The following CASK variants were observed in gnomAD, a reference collection of about 807,000 sequenced individuals.
The protein encoded by CASK is peripheral plasma membrane protein CASK.
Under a neutral mutation model 82.9 loss-of-function variants are expected in CASK, and 4 were observed. The ratio of observed to expected loss-of-function variants is 0.05; its 90% confidence interval spans 0.02 to 0.11. The LOEUF (loss-of-function observed/expected upper bound fraction) is 0.11, where lower values mean the gene tolerates loss of function less well. CASK is among the 10% of genes least tolerant of loss of function. CASK has a pLI of 1.00. For synonymous variants in CASK, 259 were observed against 253.5 expected (o/e 1.02, Z -0.20); for missense variants, 358 against 720.9 (o/e 0.50, Z 5.76).
chrX:41,916,847 A>C (rs1316298971), intron 1 of CASK, among the ~76,000 whole-genome samples: 1 of 112,237 alleles, frequency 8.9e-6, no homozygotes, highest in African/African-American at 3.2e-5. Flanking sequence ...AGGGAAATGG[A>C]AGAAAAAATT....
intron 14 of CASK, among the ~76,000 whole-genome samples, chrX:41,583,446 A>AC (rs1555987607): frequency 6.5e-5 from 7 of 107,135 alleles, no homozygotes; most frequent in African/African-American, 2.4e-4. Flanking sequence ...TTCATTTTTT[A>AC]TTTTTTTTTT....
At chrX:41,851,765 T>TA (rs1000474188) in intron 2 of CASK, among the ~76,000 whole-genome samples, 1 of 111,914 alleles carries the variant, frequency 8.9e-6, no homozygotes, top group African/African-American at 3.2e-5. Context: ...GTAACTGACT[T>TA]AGACTTGTGA....
Position 41,520,307 on chromosome X carries a change from A to G in CASK, c.*113T>C, listed in dbSNP as rs2064618274. ...GACAATAATTATAAATGTAGGTCAC[A>G]CTACAACTAGGTAGTCTCTAGGGAC... On this transcript the variant is annotated 3_prime_UTR_variant, in exon 27 of 27. Transcript: ENST00000378163. 8 of 505,417 alleles carry G rather than the reference A, an allele frequency of 1.6e-5. No individual in the cohort carries two copies. Among genetic ancestry groups the G allele is most frequent in the Non-Finnish European group, 9.9e-6 (3 of 302,550 alleles). The allele number at this position is 505,417 out of a possible 1,213,427, so 41.7% of individuals were successfully genotyped here.
At chrX:41,736,684 G>A (rs967021117) in intron 5 of CASK, among the ~76,000 whole-genome samples, 1 of 111,752 alleles carries the variant, frequency 8.9e-6, no homozygotes, top group African/African-American at 3.3e-5. Context: ...ATGTTTCTAC[G>A]TGCTTCCTCT....
intron 1 of CASK, among the ~76,000 whole-genome samples, chrX:41,905,410 T>C (rs935146843): frequency 2.7e-5 from 3 of 112,600 alleles, no homozygotes; most frequent in African/African-American, 9.7e-5. Context: ...ATTGTCTTTT[T>C]GATTCTAACC....
At chrX:41,695,918 C>T (rs750381710) in intron 5 of CASK, 223 of 1,206,051 alleles carry the variant, frequency 1.8e-4, no homozygotes, top group Non-Finnish European at 2.4e-4. Flanking sequence ...ATCTACTTAA[C>T]GTAGCCATTG....
At chrX:41,615,815 C>T (rs1333313512) in intron 11 of CASK, among the ~76,000 whole-genome samples, 1 of 109,714 alleles carries the variant, frequency 9.1e-6, no homozygotes, top group Non-Finnish European at 1.9e-5. Context: ...TTAGTAGAGA[C>T]GGGGTTTCAC....
chrX:41,883,802 C>T (rs1314823053), intron 1 of CASK, among the ~76,000 whole-genome samples: 2 of 111,236 alleles, frequency 1.8e-5, no homozygotes, highest in African/African-American at 3.3e-5. Context: ...CAGATAGGGC[C>T]ATGGAGAAGA....
At chrX:41,524,537 T>C (rs959193139) in intron 25 of CASK, 1 of 137,066 alleles carries the variant, frequency 7.3e-6, no homozygotes, top group African/African-American at 3.3e-5. Context: ...CTGGGACTCC[T>C]GGGGAAGGGG....
chrX:41,923,082 T>TC lies in CASK; in HGVS notation c.-95dup. On this transcript the variant is annotated 5_prime_UTR_variant, in exon 1 of 27. Coordinates refer to ENST00000378163, the MANE Select transcript of CASK (RefSeq NM_001367721.1). ...AGTGCCCAGCCCCGGGATCGCCTCCTCCCCTCAGGACCCGCGAGCCCTCGG... is the reference window on the plus strand; with the variant it reads ...AGTGCCCAGCCCCGGGATCGCCTCCTCCCCCTCAGGACCCGCGAGCCCTCGG... 1.2e-6 allele frequency: 1 copy of TC among 802,285 alleles called. No homozygotes were observed. The highest frequency in any genetic ancestry group is 1.9e-6 in the Non-Finnish European group (1 of 536,728). 66.1% of individuals were successfully genotyped at this position (802,285 alleles called of 1,213,427 possible).
At chrX:41,716,882 T>A (rs1239780658) in intron 5 of CASK, among the ~76,000 whole-genome samples, 1 of 111,842 alleles carries the variant, frequency 8.9e-6, no homozygotes, top group East Asian at 2.8e-4. Context: ...CTTCAAAAGT[T>A]TGGCATGTTA....
intron 13 of CASK, 69 bp downstream of exon 13, chrX:41,589,446 A>G (rs1333777688): frequency 9.4e-6 from 7 of 744,852 alleles, no homozygotes; most frequent in Non-Finnish European, 1.5e-5. Flanking sequence ...TTAATGTGCA[A>G]CAGAAATGTC....
chrX:41,733,789 T>C (rs1309496344), intron 5 of CASK, among the ~76,000 whole-genome samples: 1 of 110,660 alleles, frequency 9.0e-6, no homozygotes, highest in Non-Finnish European at 1.9e-5. Context: ...AAAGAATAAA[T>C]ACGTTTTTGT....
At chrX:41,602,420 G>T (rs1421016352) in intron 12 of CASK, among the ~76,000 whole-genome samples, 2 of 111,066 alleles carry the variant, frequency 1.8e-5, no homozygotes, top group African/African-American at 6.5e-5. Context: ...TAGAAATTTA[G>T]ATAATGTGTG....
intron 2 of CASK, among the ~76,000 whole-genome samples, chrX:41,818,819 GA>G (rs766779482): frequency 9.3e-6 from 1 of 107,099 alleles, no homozygotes; most frequent in Non-Finnish European, 1.9e-5. Flanking sequence ...TATATATATG[GA>G]AAAAAAAGAC....
chrX:41,880,146 A>C (rs1264892598), intron 1 of CASK, among the ~76,000 whole-genome samples: 2 of 111,642 alleles, frequency 1.8e-5, no homozygotes, highest in African/African-American at 3.3e-5. Flanking sequence ...GGCACTTCTC[A>C]AGTTGTCATT....
intron 5 of CASK, among the ~76,000 whole-genome samples, chrX:41,714,123 G>C (rs1294197927): frequency 3.6e-5 from 4 of 111,613 alleles, no homozygotes; most frequent in African/African-American, 1.3e-4. Context: ...AAATGGTCTG[G>C]GAGTGAAGAA....
In CASK at chrX:41,834,457, T is replaced by C. The variant is rs757540636; in HGVS notation, c.172+18658A>G. The stretch of plus-strand genomic sequence containing the variant: ...AAAACTATTCGTGATTGATATTGTA[T>C]AGAAGTTTTTGTGAACAATTAGGAG... On this transcript the variant is annotated intron_variant, in intron 2 of 26. Transcript: ENST00000378163. Among the ~76,000 whole-genome samples the C allele has an allele frequency of 7.1e-5, 8 of 112,309 alleles. No homozygotes were observed. The East Asian group carries it at 1.7e-3, about 24-fold the overall frequency.
chrX:41,721,186 A>T (rs2068158997), intron 5 of CASK, among the ~76,000 whole-genome samples: 1 of 111,045 alleles, frequency 9.0e-6, no homozygotes, highest in South Asian at 3.8e-4. Flanking sequence ...GAACCAAAGA[A>T]AACTATTGGT....
Sources: gnomAD v4.1 joint callset for allele counts (sites outside exome capture counted in the v4.1 genomes callset) on GRCh38, gnomAD v4.1.1 for gene constraint, MANE v1.5 for transcripts, NCBI Gene and HGNC (gene_info 2026-07-23, HGNC 2026-07-21) for gene names.